The following SEMA4A variants were observed in gnomAD, a reference collection of about 807,000 sequenced individuals.
The protein encoded by SEMA4A is semaphorin 4A, also known as semaphorin-4A.
SEMA4A carries 52 observed loss-of-function variants against 72.5 expected under a neutral mutation model. That is an observed-to-expected ratio of 0.72 (90% CI 0.57 to 0.90). SEMA4A has a LOEUF of 0.90. Among genes scored for constraint, SEMA4A ranks in the 40% least tolerant of loss-of-function variants. The probability of loss-of-function intolerance (pLI) is 0.00; values close to 1 mark genes in which losing one functional copy is unlikely to be tolerated. For synonymous variants in SEMA4A, 369 were observed against 393.1 expected, an observed-to-expected ratio of 0.94 and a Z score of 0.73; for missense variants, 926 against 959.7, an observed-to-expected ratio of 0.96 and a Z score of 0.46.
At chr1:156,175,981 T>C (rs1328296921) in intron 14 of SEMA4A, among the ~76,000 whole-genome samples, 1 of 151,876 alleles carries the variant, frequency 6.6e-6, no homozygotes, top group African/African-American at 2.4e-5. Flanking sequence ...AAGTTGGAGA[T>C]AAGAGTTAGG....
chr1:156,172,868 A>G lies in SEMA4A; in HGVS notation c.1177A>G (p.Lys393Glu), dbSNP rs2103001340. 1 of 1,614,150 alleles carries G rather than the reference A, an allele frequency of 6.2e-7. No homozygotes were observed. The highest frequency in any genetic ancestry group is 8.5e-7 in the Non-Finnish European group (1 of 1,180,026). Reference protein sequence around the residue: ...PSSDKALTFMKDHFLMDEQVV... With the variant: ...PSSDKALTFMEDHFLMDEQVV... ...CTCTGATAAGGCCCTGACCTTCATG[A>G]AGGACCATTTCCTGATGGATGAGCA... Residue 393 changes from lysine to glutamate, a missense_variant, in exon 11 of 15, where the codon AAG becomes GAG. Coordinates refer to ENST00000368285, the MANE Select transcript of SEMA4A (RefSeq NM_022367.4).
At chr1:156,173,886 G>A (rs1385729624) in intron 11 of SEMA4A, among the ~76,000 whole-genome samples, 1 of 152,080 alleles carries the variant, frequency 6.6e-6, no homozygotes, top group Non-Finnish European at 1.5e-5. Flanking sequence ...GAGGTGGGTG[G>A]ATCACCTGAG....
Position 156,156,411 on chromosome 1 carries a change from C to G in SEMA4A, c.140-3C>G, listed in dbSNP as rs1198434848. ...CACTCTCTCTGTCTTACTCCTCCAA[C>G]AGGGGATGAACGTAGGGCACTTAGC... On this transcript the variant is annotated splice_region_variant and splice_polypyrimidine_tract_variant and intron_variant, in intron 2 of 14. Coordinates refer to ENST00000368285, the MANE Select transcript of SEMA4A (RefSeq NM_022367.4). 3.1e-6 allele frequency: 5 copies of G among 1,613,880 alleles called. No individual in the cohort carries two copies. Among genetic ancestry groups the G allele is most frequent in the Non-Finnish European group, 4.2e-6 (5 of 1,179,874 alleles).
rs768092374 is a variant in SEMA4A at position 156,161,310 on chromosome 1, G to GGGGGGCA, written c.811-36_811-35insGGGGGCA. On this transcript the variant is annotated intron_variant, in intron 8 of 14. Coordinates refer to ENST00000368285, the MANE Select transcript of SEMA4A (RefSeq NM_022367.4). ...ACACGCGGGGCTGGGGGGTCGGGGC[G>GGGGGGCA]CCCGGGGCGCCCCCTGACTCCCCCT... is the stretch of plus-strand genomic sequence containing the variant. 8.7e-6 allele frequency: 12 copies of GGGGGGCA among 1,381,194 alleles called. 1 individual carries two copies. Among genetic ancestry groups the GGGGGGCA allele is most frequent in the East Asian group, 5.5e-5 (2 of 36,194 alleles). 85.6% of individuals were successfully genotyped at this position (1,381,194 alleles called of 1,614,324 possible).
chr1:156,172,799 A>C, intron 10 of SEMA4A, 27 bp from the exon 11 acceptor site: 1 of 1,612,172 alleles, frequency 6.2e-7, no homozygotes, highest in Non-Finnish European at 8.5e-7. Flanking sequence ...GGGCAAACCA[A>C]CCTGATCTGC....
chr1:156,152,201 A>G (rs1652592862), upstream of SEMA4A, among the ~76,000 whole-genome samples: 1 of 152,226 alleles, frequency 6.6e-6, no homozygotes, highest in African/African-American at 2.4e-5. Context: ...CTAAAGCCTG[A>G]TAGTGTGAAC....
rs752142020 is a variant in SEMA4A at position 156,160,961 on chromosome 1, G to C, written c.742G>C (p.Glu248Gln). The C allele has an allele frequency of 1.4e-5, 23 of 1,613,106 alleles. No homozygotes were observed. Among genetic ancestry groups the C allele is most frequent in the Non-Finnish European group, 1.9e-5 (23 of 1,179,810 alleles). ...GACCCAGGTCGTCTACTTCTTCTTC[G>C]AGGAGACAGCCAGCGAGTTTGACTT... The part of the protein sequence containing the change: ...PSTQVVYFFF[E>Q]ETASEFDFFE... Residue 248 changes from glutamate to glutamine, a missense_variant, in exon 8 of 15, where the codon GAG (glutamate) becomes CAG (glutamine). Glu to Gln is a conservative substitution (Grantham distance 29). Coordinates refer to ENST00000368285, the MANE Select transcript of SEMA4A (RefSeq NM_022367.4).
upstream of SEMA4A, among the ~76,000 whole-genome samples, chr1:156,150,705 C>T (rs923060492): frequency 5.3e-5 from 8 of 152,076 alleles, no homozygotes; most frequent in African/African-American, 9.7e-5. Flanking sequence ...AGCATAGAGT[C>T]GGGGCGGGAA....
chr1:156,171,588 C>A (rs1240340038), intron 10 of SEMA4A, among the ~76,000 whole-genome samples: 3 of 151,890 alleles, frequency 2.0e-5, no homozygotes, highest in Admixed American at 6.6e-5. Flanking sequence ...TTTTAAATTT[C>A]TTTTTTGAGA....
chr1:156,154,988 A>G, intron 2 of SEMA4A: 1 of 516,222 alleles, frequency 1.9e-6, no homozygotes, highest in Non-Finnish European at 3.4e-6. Flanking sequence ...CCATGTTGGT[A>G]ATTTTTCTTT....
intron 10 of SEMA4A, among the ~76,000 whole-genome samples, chr1:156,171,129 A>G (rs776853697): frequency 6.6e-6 from 1 of 152,212 alleles, no homozygotes; most frequent in African/African-American, 2.4e-5. Flanking sequence ...TCTGGCATCA[A>G]AATGAGATGT....
intron 6 of SEMA4A, 81 bp from the exon 7 acceptor site, chr1:156,160,362 G>A (rs1572397602): frequency 1.8e-6 from 2 of 1,101,144 alleles, no homozygotes; most frequent in Non-Finnish European, 2.8e-6. Context: ...ATGGATGCCA[G>A]CCCCAGTCAG....
In SEMA4A at chr1:156,157,841, G is replaced by T. The variant is rs1481737227; in HGVS notation, c.301-229G>T. 6.6e-6 allele frequency among the ~76,000 whole-genome samples: 1 copy of T among 152,100 alleles called. No individual in the cohort carries two copies. Among genetic ancestry groups the T allele is most frequent in the Non-Finnish European group, 1.5e-5 (1 of 68,014 alleles). On this transcript the variant is annotated intron_variant, in intron 3 of 14. Coordinates refer to ENST00000368285, the MANE Select transcript of SEMA4A (RefSeq NM_022367.4). This position sits in a 1 kb window ranked among gnomAD's most constrained non-coding sequence, Gnocchi z 4.5. ...ATAGCCAAGTCTAGATTTAAACTTG[G>T]GTCTGTCTGATTCCTTAGGCTGTGT...
chr1:156,154,705 A>C lies in SEMA4A; in HGVS notation c.127A>C (p.Arg43=). ...GGGQGPMPRV[R]YYAGDERRAL... ...CGGGCAGGGGCCCATGCCCAGGGTC[A>C]GATACTATGCAGGTAAGTGTCCGAC... The change falls in exon 2 of 15, where the codon AGA becomes CGA. Residue 43 remains arginine, a synonymous_variant. Coordinates refer to ENST00000368285, the MANE Select transcript of SEMA4A (RefSeq NM_022367.4). 6.3e-7 allele frequency: 1 copy of C among 1,585,214 alleles called. No individual in the cohort carries two copies. The highest frequency in any genetic ancestry group is 8.6e-7 in the Non-Finnish European group (1 of 1,166,028).
upstream of SEMA4A, among the ~76,000 whole-genome samples, chr1:156,152,114 T>C (rs963787229): frequency 3.3e-5 from 5 of 152,200 alleles, no homozygotes; most frequent in African/African-American, 1.2e-4. Context: ...TAACTTGGCT[T>C]CTAGCTGTGT....
rs536064047 is a variant in SEMA4A at position 156,174,893 on chromosome 1, T to C, written c.1387T>C (p.Phe463Leu). ...TCATCTGGTGGAAGAGATTCAGCTG[T>C]TCCCTGACCCTGAACCTGTTCGCAA... ...SAHLVEEIQL[F>L]PDPEPVRNLQ... is the part of the protein sequence containing the mutation. Residue 463 changes from phenylalanine (F) to leucine (L), a missense_variant, in exon 12 of 15, where the codon TTC (phenylalanine) becomes CTC (leucine). Transcript: ENST00000368285. 1.2e-6 allele frequency: 2 copies of C among 1,614,176 alleles called. No individual in the cohort carries two copies. Among genetic ancestry groups the C allele is most frequent in the African/African-American group, 1.3e-5 (1 of 75,044 alleles).
rs1391705146 is a variant in SEMA4A, at chr1:156,154,719, T to C, written c.139+2T>C. ...TGCCCAGGGTCAGATACTATGCAGG[T>C]AAGTGTCCGACAGCAGGAAGTGTGG... is the stretch of plus-strand genomic sequence containing the variant. On this transcript the variant is annotated splice_donor_variant, in intron 2 of 14. Transcript: ENST00000368285. LOFTEE classifies it high-confidence loss of function. 1 of 1,580,206 alleles carries C rather than the reference T, an allele frequency of 6.3e-7. No individual in the cohort carries two copies. Among genetic ancestry groups the C allele is most frequent in the Admixed American group, 1.9e-5 (1 of 53,328 alleles).
At position 156,177,238 on chromosome 1, in the gene SEMA4A, G is replaced by A; in HGVS notation, c.*241G>A. On this transcript the variant is annotated 3_prime_UTR_variant, in exon 15 of 15. Transcript: ENST00000368285. ...TCTAACAGGGTGGGGGCTACCCCCA[G>A]ACCTGCTCCTACACTGATATTGAAG... 1.7e-6 allele frequency: 1 copy of A among 590,334 alleles called. No individual in the cohort carries two copies. Among genetic ancestry groups the A allele is most frequent in the Non-Finnish European group, 3.0e-6 (1 of 328,830 alleles). 36.6% of individuals were successfully genotyped at this position (590,334 alleles called of 1,614,324 possible).
intron 10 of SEMA4A, among the ~76,000 whole-genome samples, chr1:156,165,275 C>G (rs933454621): frequency 1.3e-5 from 2 of 152,164 alleles, no homozygotes; most frequent in Non-Finnish European, 2.9e-5. Context: ...TGGAATTCCC[C>G]TGCCTCATCA....
Sources: allele counts gnomAD v4.1 joint callset (sites outside exome capture counted in the v4.1 genomes callset), GRCh38; gene constraint gnomAD v4.1.1; non-coding constraint Gnocchi (gnomAD v3.1); transcripts MANE v1.5; gene names NCBI Gene and HGNC (gene_info 2026-07-23, HGNC 2026-07-21).